Variants in ESR1 observed in about 807,000 individuals in gnomAD.
ESR1 encodes the protein estrogen receptor.
ESR1 carries 12 observed loss-of-function variants against 52.7 expected under a neutral mutation model. The observed-to-expected ratio is 0.23, with a 90% CI of 0.15 to 0.37. ESR1 has a LOEUF of 0.37. Among genes scored for constraint, ESR1 ranks in the 10% least tolerant of loss-of-function variants. The pLI is 1.00. For missense variants in ESR1, 584 were observed against 779.7 expected (o/e 0.75, Z 2.99); for synonymous variants, 305 against 316.8 (o/e 0.96, Z 0.39).
chr6:151,849,602 A>G (rs182487013), intron 2 of ESR1, among the ~76,000 whole-genome samples: 52 of 151,670 alleles, frequency 3.4e-4, no homozygotes, highest in Admixed American at 3.4e-3. Context: ...TGAGATCGCG[A>G]CACTGCACTC....
intron 1 of ESR1, chr6:151,656,808 C>A (rs1012094271): frequency 1.2e-4 from 19 of 152,106 alleles, no homozygotes; most frequent in Non-Finnish European, 2.5e-4. Flanking sequence ...CCTTGGACAA[C>A]TGAATATTAA....
At chr6:152,081,554 C>A (rs2049216275) in intron 6 of ESR1, among the ~76,000 whole-genome samples, 1 of 151,460 alleles carries the variant, frequency 6.6e-6, no homozygotes, top group Non-Finnish European at 1.5e-5. Context: ...CCTAACATCA[C>A]AATTGAAAGA....
intron 4 of ESR1, among the ~76,000 whole-genome samples, chr6:151,977,385 C>A (rs188603799): frequency 1.3e-3 from 189 of 150,914 alleles, no homozygotes; most frequent in African/African-American, 4.3e-3. Flanking sequence ...GAAATGTTAA[C>A]CACAAGCTAG....
chr6:151,889,572 T>G (rs1010572453), intron 3 of ESR1, among the ~76,000 whole-genome samples: 3 of 152,192 alleles, frequency 2.0e-5, no homozygotes, highest in Non-Finnish European at 4.4e-5. Flanking sequence ...TAGTTAAAGG[T>G]TAATCAATTT....
intron 3 of ESR1, among the ~76,000 whole-genome samples, chr6:151,884,153 T>G (rs1793438651): frequency 6.6e-6 from 1 of 152,238 alleles, no homozygotes. Context: ...AGCTTTAAAT[T>G]CATAAAATTA....
At chr6:151,888,861 G>A (rs1054007162) in intron 3 of ESR1, among the ~76,000 whole-genome samples, 2 of 151,988 alleles carry the variant, frequency 1.3e-5, no homozygotes, top group Non-Finnish European at 2.9e-5. Flanking sequence ...TTAATTTGTT[G>A]AGAGTTTTTG....
At chr6:151,692,678 G>A (rs949760796) in intron 1 of ESR1, among the ~76,000 whole-genome samples, 3 of 152,188 alleles carry the variant, frequency 2.0e-5, no homozygotes, top group Non-Finnish European at 2.9e-5. Context: ...TTTGAAAGGC[G>A]TGCACTGTAC....
At chr6:151,717,313 C>G (rs1171404822) in intron 2 of ESR1, among the ~76,000 whole-genome samples, 1 of 152,130 alleles carries the variant, frequency 6.6e-6, no homozygotes, top group Non-Finnish European at 1.5e-5. Context: ...GCCATCTTGC[C>G]CCTTGGTCTG....
intron 4 of ESR1, among the ~76,000 whole-genome samples, chr6:152,002,397 C>T (rs2042028914): frequency 1.3e-5 from 2 of 151,878 alleles, no homozygotes; most frequent in African/African-American, 4.8e-5. Context: ...TAGTGTTTAC[C>T]AGGAGCATAC....
intron 2 of ESR1, among the ~76,000 whole-genome samples, chr6:151,766,771 A>G (rs957038294): frequency 6.6e-5 from 10 of 152,196 alleles, no homozygotes; most frequent in African/African-American, 2.4e-4. Flanking sequence ...TGGGGAGAAA[A>G]ATAGCTAACT....
At chr6:152,033,513 C>T (rs1459633600) in intron 5 of ESR1, among the ~76,000 whole-genome samples, 4 of 152,200 alleles carry the variant, frequency 2.6e-5, no homozygotes. Context: ...CAAAAGAAGA[C>T]ATTTATGCAG....
At chr6:151,845,898 A>G (rs1785031559) in intron 2 of ESR1, among the ~76,000 whole-genome samples, 1 of 152,182 alleles carries the variant, frequency 6.6e-6, no homozygotes, top group African/African-American at 2.4e-5. Flanking sequence ...CCTATGCAAG[A>G]CCCTGGAAAT....
intron 1 of ESR1, among the ~76,000 whole-genome samples, chr6:151,838,131 C>A (rs1346399214): frequency 2.0e-5 from 3 of 152,206 alleles, no homozygotes; most frequent in African/African-American, 7.2e-5. Flanking sequence ...TCCTGAGTAG[C>A]TGGGACTGCA....
chr6:152,035,174 G>C (rs889760952), intron 5 of ESR1, among the ~76,000 whole-genome samples: 1 of 151,914 alleles, frequency 6.6e-6, no homozygotes, highest in Non-Finnish European at 1.5e-5. Flanking sequence ...AACTTCCTTT[G>C]TTATTTTGCT....
intron 4 of ESR1, among the ~76,000 whole-genome samples, chr6:151,982,065 C>G (rs1040268006): frequency 6.6e-6 from 1 of 152,240 alleles, no homozygotes; most frequent in African/African-American, 2.4e-5. Context: ...TTCATTCACT[C>G]TGTTTAATTC....
chr6:151,926,382 T>C (rs2032742667), intron 3 of ESR1, among the ~76,000 whole-genome samples: 1 of 152,138 alleles, frequency 6.6e-6, no homozygotes, highest in South Asian at 2.1e-4. Context: ...ACAAAATAGA[T>C]TATTGGGATT....
Position 152,129,068 on chromosome 6 carries a change from C to G in ESR1, c.*3720C>G, listed in dbSNP as rs370236317. ...TGCTGGACAGAGCAGAGCTGAAAGG[C>G]GCCTTGCGAGTGTCGTAGTGAGAAT... On this transcript the variant is annotated 3_prime_UTR_variant, in exon 7 of 7. Transcript: ENST00000427531. 3.9e-5 allele frequency: 6 copies of G among 152,226 alleles called. No individual in the cohort carries two copies. The East Asian group carries it at 1.2e-3, about 29-fold the overall frequency. 9.4% of individuals were successfully genotyped at this position (152,226 alleles called of 1,614,324 possible).
chr6:152,060,266 G>C (rs1276601559), intron 5 of ESR1, among the ~76,000 whole-genome samples: 1 of 152,124 alleles, frequency 6.6e-6, no homozygotes, highest in East Asian at 1.9e-4. Flanking sequence ...AAAATATCAA[G>C]ATCTGACATT....
At chr6:151,828,999 G>A (rs185276610) in intron 1 of ESR1, among the ~76,000 whole-genome samples, 2 of 152,162 alleles carry the variant, frequency 1.3e-5, no homozygotes, top group Non-Finnish European at 2.9e-5. Flanking sequence ...TTTAACTTTC[G>A]CATCAAAGAG....
Sources: gnomAD v4.1 joint callset for allele counts (sites outside exome capture counted in the v4.1 genomes callset) on GRCh38, gnomAD v4.1.1 for gene constraint, MANE v1.5 for transcripts, NCBI Gene and HGNC (gene_info 2026-07-23, HGNC 2026-07-21) for gene names.